LAMA3: variants seen among roughly 807,000 people sequenced by gnomAD.
The protein encoded by LAMA3 is laminin subunit alpha-3.
In LAMA3, 281 loss-of-function variants were observed where a neutral mutation model predicts 402.0. That is an observed-to-expected ratio of 0.70 (90% CI 0.63 to 0.77). The LOEUF is 0.77. Ranked by LOEUF, LAMA3 falls within the 30% of genes least tolerant of loss-of-function variation. The pLI, the probability that LAMA3 is intolerant of heterozygous loss-of-function variation, is 0.00. For missense variants in LAMA3, 3,840 were observed against 4,215.5 expected, an observed-to-expected ratio of 0.91 and a Z score of 2.47; for synonymous variants, 1,431 against 1,558.4, an observed-to-expected ratio of 0.92 and a Z score of 1.93.
intron 6 of LAMA3, among the ~76,000 whole-genome samples, chr18:23,754,258 T>C (rs534838116): frequency 2.0e-5 from 3 of 152,330 alleles, no homozygotes; most frequent in Non-Finnish European, 4.4e-5. Flanking sequence ...TATGTTCACG[T>C]TGTTGTGCAA....
In LAMA3 at chr18:23,822,257, T is replaced by G. The variant is rs753774682; in HGVS notation, c.2310T>G (p.Asp770Glu). The G allele has an allele frequency of 3.6e-5, 58 of 1,613,866 alleles. No individual in the cohort carries two copies. Among genetic ancestry groups the G allele is most frequent in the Non-Finnish European group, 4.2e-6 (5 of 1,179,880 alleles). ...GYAQMTSVQN[D>E]VRITLNVGKS... ...GGCGTTTCGGTATTTTTCAGAATGA[T>G]GTAAGAATAACATTGAATGTAGGGA... Residue 770 changes from aspartate (D) to glutamate (E), a missense_variant, in exon 20 of 75, where the codon GAT (aspartate) becomes GAG (glutamate). Asp to Glu is a conservative substitution (Grantham distance 45). Around this residue, in one of 3 missense-constraint regions of LAMA3, gnomAD observed 2,109 missense variants for 2,376.0 expected, o/e 0.89. Coordinates refer to ENST00000313654, the MANE Select transcript of LAMA3 (RefSeq NM_198129.4).
In LAMA3 at chr18:23,928,753, T is replaced by C. The variant is rs2145377390; in HGVS notation, c.8424T>C (p.Asp2808=). The stretch of plus-strand genomic sequence containing the variant: ...TTCAACCCAGTGGCATATTATTAGA[T>C]CATCAGACATGGGTATGCAGTAGTG... ...QTFQPSGILL[D]HQTWTRNLQV... Residue 2808 remains aspartate (D), a synonymous_variant, in exon 64 of 75, where the codon GAT becomes GAC. Coordinates refer to ENST00000313654, the MANE Select transcript of LAMA3 (RefSeq NM_198129.4). 1 of 1,613,962 alleles carries C rather than the reference T, an allele frequency of 6.2e-7. No homozygotes were observed.
In LAMA3 at chr18:23,758,426, TG is replaced by T. The variant is rs964756866; in HGVS notation, c.982del (p.Glu328ArgfsTer51). 1 of 1,614,134 alleles carries T rather than the reference TG, an allele frequency of 6.2e-7. No individual in the cohort carries two copies. The highest frequency in any genetic ancestry group is 2.2e-5 in the East Asian group (1 of 44,880). On this transcript the variant is annotated frameshift_variant, in exon 7 of 75. Coordinates refer to ENST00000313654, the MANE Select transcript of LAMA3 (RefSeq NM_198129.4). LOFTEE classifies it high-confidence loss of function. ...GGTGTGAATGCCAGCACCACACCTG[TG>T]GGGAGACGTGTGATCGCTGCTGCAC... is the stretch of plus-strand genomic sequence containing the variant. ...FRCECQHHTC[G>X]ETCDRCCTGY...
chr18:23,923,833 T>A (rs1467223444), intron 62 of LAMA3, among the ~76,000 whole-genome samples: 2 of 152,194 alleles, frequency 1.3e-5, no homozygotes, highest in African/African-American at 4.8e-5. Context: ...TAGACAGTGA[T>A]GTGGATGCCA....
chr18:23,950,250 G>T, intron 72 of LAMA3, 91 bp downstream of exon 72: 2 of 1,446,608 alleles, frequency 1.4e-6, no homozygotes, highest in South Asian at 2.3e-5. Flanking sequence ...AGTAGAGAAT[G>T]GGATCCAATC....
chr18:23,690,047 G>A, intron 1 of LAMA3, 70 bp downstream of exon 1: 1 of 1,227,560 alleles, frequency 8.1e-7, no homozygotes, highest in Non-Finnish European at 1.1e-6. Context: ...ACCCGGAGAA[G>A]GGATCGGGCC....
intron 47 of LAMA3, chr18:23,899,756 C>T: frequency 3.2e-6 from 1 of 312,914 alleles, no homozygotes. Context: ...TCACCTCTTT[C>T]CAGTTTTCTC....
At position 23,909,017 on chromosome 18, in the gene LAMA3, T is replaced by C. The variant is rs1253947774; in HGVS notation, c.7016-136T>C. The C allele has an allele frequency of 5.0e-6, 4 of 797,628 alleles. No homozygotes were observed. The East Asian group carries it at 7.8e-5, about 16-fold the overall frequency. The allele number at this position is 797,628 out of a possible 1,614,324, so 49.4% of individuals were successfully genotyped here. On this transcript the variant is annotated intron_variant, in intron 54 of 74. Coordinates refer to ENST00000313654, the MANE Select transcript of LAMA3 (RefSeq NM_198129.4). Reference sequence around the variant, plus strand: ...ACCATGGGTAAGGGGGGAACTACCGTAACTAATTATGACCCATCCTGTTCA... The same window carrying C: ...ACCATGGGTAAGGGGGGAACTACCGCAACTAATTATGACCCATCCTGTTCA...
intron 1 of LAMA3, among the ~76,000 whole-genome samples, chr18:23,692,547 C>G (rs1049406941): frequency 6.6e-6 from 1 of 152,198 alleles, no homozygotes; most frequent in Admixed American, 6.5e-5. Context: ...GCTAGGATTA[C>G]AGGCATGAGC....
chr18:23,898,526 T>C, intron 44 of LAMA3: 1 of 586,622 alleles, frequency 1.7e-6, no homozygotes, highest in Non-Finnish European at 3.0e-6. Flanking sequence ...TCTTCACATT[T>C]GTCACATTTG....
At chr18:23,736,331 C>G (rs1336282407) in intron 2 of LAMA3, among the ~76,000 whole-genome samples, 1 of 149,880 alleles carries the variant, frequency 6.7e-6, no homozygotes, top group East Asian at 1.9e-4. Context: ...TGTGGGTTCA[C>G]CCATATTGCT....
chr18:23,889,378 A>G (rs1385105401), intron 41 of LAMA3, among the ~76,000 whole-genome samples: 2 of 152,054 alleles, frequency 1.3e-5, no homozygotes, highest in African/African-American at 4.8e-5. Context: ...TCTGGGCAAT[A>G]TAGCAAGACC....
At chr18:23,720,249 G>T (rs1406940520) in intron 2 of LAMA3, among the ~76,000 whole-genome samples, 1 of 152,114 alleles carries the variant, frequency 6.6e-6, no homozygotes, top group African/African-American at 2.4e-5. Flanking sequence ...TGACACTTGA[G>T]TCTCTCTGCA....
chr18:23,816,420 T>C lies in LAMA3; in HGVS notation c.2080T>C (p.Ser694Pro). 2 of 1,614,082 alleles carry C rather than the reference T, an allele frequency of 1.2e-6. No individual in the cohort carries two copies. Among genetic ancestry groups the C allele is most frequent in the Non-Finnish European group, 1.7e-6 (2 of 1,179,992 alleles). Residue 694 changes from serine (S) to proline (P), a missense_variant, in exon 18 of 75, where the codon TCC (serine) becomes CCC (proline). This residue lies in a region of LAMA3 where 2,109 missense variants were observed against 2,376.0 expected (regional missense o/e 0.89). Coordinates refer to ENST00000313654, the MANE Select transcript of LAMA3 (RefSeq NM_198129.4). Reference sequence around the variant, plus strand: ...GTGTGACATTGGTGGGGCATTGTCCTCCATGTGCAGTGGGCCCTCGGGAGT... The same window carrying C: ...GTGTGACATTGGTGGGGCATTGTCCCCCATGTGCAGTGGGCCCTCGGGAGT... ...CQCDIGGALSSMCSGPSGVCQ... is the reference protein window; with the variant it reads ...CQCDIGGALSPMCSGPSGVCQ...
intron 49 of LAMA3, among the ~76,000 whole-genome samples, chr18:23,903,716 A>G (rs571649224): frequency 1.5e-4 from 23 of 152,362 alleles, no homozygotes; most frequent in African/African-American, 5.5e-4. Flanking sequence ...GTTTCTCACC[A>G]TAATGAGAAT....
chr18:23,829,469 T>A (rs949481226), intron 23 of LAMA3, among the ~76,000 whole-genome samples: 1 of 152,194 alleles, frequency 6.6e-6, no homozygotes, highest in Admixed American at 6.5e-5. Context: ...CACTGGATCC[T>A]TAGCCCAGGA....
chr18:23,928,850 G>A (rs1026208027), intron 64 of LAMA3, 85 bp downstream of exon 64: 2 of 1,293,072 alleles, frequency 1.5e-6, no homozygotes, highest in African/African-American at 2.9e-5. Flanking sequence ...TTTAGAAAGT[G>A]GTGGAGTTGT....
In LAMA3 at chr18:23,898,966, T is replaced by C. The variant is rs1201334150; in HGVS notation, c.5737T>C (p.Ser1913Pro). The change falls in exon 46 of 75, where the codon TCC becomes CCC. Residue 1913 changes from serine to proline, a missense_variant. Ser to Pro is a moderately conservative substitution (Grantham distance 74, BLOSUM62 -1). Coordinates refer to ENST00000313654, the MANE Select transcript of LAMA3 (RefSeq NM_198129.4). ...ATTTTTCATATAGGCTCAAGTAAAT[T>C]CCAGAAAAGCACAAACATTAAACAA... ...ETLQEKAQVNSRKAQTLNNNV... is the reference protein window; with the variant it reads ...ETLQEKAQVNPRKAQTLNNNV... 1 of 1,613,634 alleles carries C rather than the reference T, an allele frequency of 6.2e-7. No individual in the cohort carries two copies. The highest frequency in any genetic ancestry group is 8.5e-7 in the Non-Finnish European group (1 of 1,179,588).
chr18:23,757,988 T>C (rs776883395), intron 6 of LAMA3, among the ~76,000 whole-genome samples: 26 of 152,204 alleles, frequency 1.7e-4, no homozygotes, highest in Non-Finnish European at 3.2e-4. Context: ...ATCTTAGTCG[T>C]AGGACTCCAG....
Sources: gnomAD v4.1 joint callset for allele counts (sites outside exome capture counted in the v4.1 genomes callset) on GRCh38, gnomAD v4.1.1 for gene constraint, gnomAD v4.1.1 regional missense constraint, MANE v1.5 for transcripts, NCBI Gene and HGNC (gene_info 2026-07-23, HGNC 2026-07-21) for gene names.